Variants in FAM117B observed in about 807,000 individuals in gnomAD.
The protein encoded by FAM117B is family with sequence similarity 117 member B, also known as protein FAM117B.
In FAM117B, 22 loss-of-function variants were observed where a neutral mutation model predicts 52.8. The observed-to-expected ratio is 0.42, with a 90% confidence interval of 0.30 to 0.59. The LOEUF is 0.59. Ranked by LOEUF, FAM117B falls within the 20% of genes least tolerant of loss-of-function variation. FAM117B has a pLI of 0.22. For synonymous variants in FAM117B, 309 were observed against 324.1 expected (o/e 0.95, Z 0.50); for missense variants, 678 against 802.6 (o/e 0.84, Z 1.88).
chr2:202,737,673 C>T (rs1691461723), intron 4 of FAM117B, among the ~76,000 whole-genome samples: 1 of 151,898 alleles, frequency 6.6e-6, no homozygotes, highest in African/African-American at 2.4e-5. Flanking sequence ...GTGATCTTGG[C>T]TCACAGCAGC....
intron 1 of FAM117B, among the ~76,000 whole-genome samples, chr2:202,676,857 CAGACT>C (rs1399276932): frequency 2.0e-5 from 3 of 152,120 alleles, no homozygotes; most frequent in African/African-American, 7.2e-5. Context: ...TTCCCTTGAA[CAGACT>C]ATTGGCATAA....
At chr2:202,718,447 A>G (rs1216650474) in intron 2 of FAM117B, among the ~76,000 whole-genome samples, 4 of 152,124 alleles carry the variant, frequency 2.6e-5, no homozygotes, top group Non-Finnish European at 4.4e-5. Context: ...TTCTGCATCT[A>G]TTGAAATGAT....
chr2:202,754,868 T>G (rs1447069848), intron 4 of FAM117B, among the ~76,000 whole-genome samples: 3 of 113,236 alleles, frequency 2.6e-5, no homozygotes, highest in East Asian at 5.6e-4. Context: ...CCAACCTGGG[T>G]GACAGAGTGA....
intron 1 of FAM117B, among the ~76,000 whole-genome samples, chr2:202,638,248 G>C (rs910753306): frequency 3.3e-5 from 5 of 152,174 alleles, no homozygotes; most frequent in African/African-American, 1.2e-4. Flanking sequence ...CCAGCATAGT[G>C]CATCAGGTGG....
intron 1 of FAM117B, among the ~76,000 whole-genome samples, chr2:202,655,127 A>T (rs1690032373): frequency 6.6e-6 from 1 of 152,144 alleles, no homozygotes; most frequent in African/African-American, 2.4e-5. Flanking sequence ...CATATGAATG[A>T]GTTGTAGCAT....
chr2:202,717,920 A>G (rs997888239), intron 2 of FAM117B, among the ~76,000 whole-genome samples: 6 of 152,208 alleles, frequency 3.9e-5, no homozygotes, highest in African/African-American at 1.2e-4. Context: ...GGGCAGGTCC[A>G]GAGGTGTTGT....
chr2:202,769,441 A>T lies in FAM117B; in HGVS notation c.*3677A>T, dbSNP rs1559119784. On this transcript the variant is annotated 3_prime_UTR_variant, in exon 8 of 8. Coordinates refer to ENST00000392238, the MANE Select transcript of FAM117B (RefSeq NM_173511.4). ...TGCAAAATAAAGCTAAGAATGCTTAACTCTGCACTTTAAGTTCTACTCTGA... is the reference window on the plus strand; with the variant it reads ...TGCAAAATAAAGCTAAGAATGCTTATCTCTGCACTTTAAGTTCTACTCTGA... 6.6e-6 allele frequency: 1 copy of T among 152,614 alleles called. No homozygotes were observed. Among genetic ancestry groups the T allele is most frequent in the East Asian group, 1.9e-4 (1 of 5,200 alleles). The allele number at this position is 152,614 out of a possible 1,614,324, so 9.5% of individuals were successfully genotyped here.
intron 4 of FAM117B, among the ~76,000 whole-genome samples, chr2:202,740,108 G>C (rs1172206964): frequency 7.3e-6 from 1 of 137,394 alleles, no homozygotes; most frequent in Non-Finnish European, 1.5e-5. Context: ...AGGAGGTGGA[G>C]CTTGCAGTGA....
At chr2:202,646,148 C>G (rs763693086) in intron 1 of FAM117B, among the ~76,000 whole-genome samples, 7 of 151,808 alleles carry the variant, frequency 4.6e-5, no homozygotes, top group Non-Finnish European at 8.8e-5. Flanking sequence ...CACCTCAGCC[C>G]CCTGAGTAGC....
At chr2:202,754,521 C>T (rs1421056981) in intron 4 of FAM117B, among the ~76,000 whole-genome samples, 1 of 151,878 alleles carries the variant, frequency 6.6e-6, no homozygotes, top group Non-Finnish European at 1.5e-5. Flanking sequence ...AATAAACCCC[C>T]CCCAGAATAT....
chr2:202,732,550 G>A (rs778702053), intron 4 of FAM117B, among the ~76,000 whole-genome samples: 3 of 152,152 alleles, frequency 2.0e-5, no homozygotes, highest in Non-Finnish European at 2.9e-5. Context: ...CAGGCACGGC[G>A]GCTTATGCCC....
intron 2 of FAM117B, among the ~76,000 whole-genome samples, chr2:202,724,563 G>A (rs1203029425): frequency 1.3e-5 from 2 of 152,038 alleles, no homozygotes; most frequent in Admixed American, 6.6e-5. Context: ...TAGTGTGCCT[G>A]GTGCGTGCTA....
At chr2:202,748,416 A>AT (rs1691668598) in intron 4 of FAM117B, among the ~76,000 whole-genome samples, 1 of 152,162 alleles carries the variant, frequency 6.6e-6, no homozygotes, top group Admixed American at 6.5e-5. Context: ...GTAACAAAAA[A>AT]ATATATACAA....
chr2:202,651,180 G>A (rs964137253), intron 1 of FAM117B, among the ~76,000 whole-genome samples: 2 of 150,790 alleles, frequency 1.3e-5, no homozygotes, highest in African/African-American at 4.9e-5. Context: ...TGGTGCCTCA[G>A]CCTCCAGAGT....
chr2:202,645,661 T>G (rs1689850621), intron 1 of FAM117B, among the ~76,000 whole-genome samples: 1 of 151,250 alleles, frequency 6.6e-6, no homozygotes, highest in Non-Finnish European at 1.5e-5. Context: ...TAGAGTGCAG[T>G]GGAGAGATCT....
chr2:202,760,273 A>T (rs775451369), intron 7 of FAM117B, among the ~76,000 whole-genome samples: 6 of 152,124 alleles, frequency 3.9e-5, no homozygotes, highest in Non-Finnish European at 7.4e-5. Context: ...TACATGTTGA[A>T]TTTAGGGGTA....
intron 4 of FAM117B, among the ~76,000 whole-genome samples, chr2:202,729,333 C>T (rs1227349671): frequency 1.4e-5 from 2 of 141,244 alleles, no homozygotes; most frequent in African/African-American, 2.6e-5. Flanking sequence ...GACTCCATCT[C>T]AAAAAAAAAA....
rs1689980920 is a variant in FAM117B at position 202,653,133 on chromosome 2, TG to T, written c.601+17347del. Among the ~76,000 whole-genome samples the T allele has an allele frequency of 2.0e-5, 3 of 152,152 alleles. No individual in the cohort carries two copies. The South Asian group carries it at 6.2e-4, about 32-fold the overall frequency. ...AAATTGAAAAATTAGCTAGATGAGG[TG>T]GCACACACCTGTAGTCCCAGCTGCT... On this transcript the variant is annotated intron_variant, in intron 1 of 7. Transcript: ENST00000392238.
At chr2:202,661,775 G>A (rs935633622) in intron 1 of FAM117B, among the ~76,000 whole-genome samples, 1 of 152,238 alleles carries the variant, frequency 6.6e-6, no homozygotes, top group Admixed American at 6.5e-5. Flanking sequence ...AATTAGCCGG[G>A]CATGGTGGCG....
Sources: gnomAD v4.1 joint callset for allele counts (sites outside exome capture counted in the v4.1 genomes callset) on GRCh38, gnomAD v4.1.1 for gene constraint, MANE v1.5 for transcripts, NCBI Gene and HGNC (gene_info 2026-07-23, HGNC 2026-07-21) for gene names.